Variants in GNAL observed in about 807,000 individuals in gnomAD.
GNAL encodes G protein subunit alpha L.
Under a neutral mutation model 55.1 loss-of-function variants are expected in GNAL, and 18 were observed. The observed-to-expected ratio is 0.33, with a 90% CI of 0.23 to 0.48. GNAL has a LOEUF of 0.48. Ranked by LOEUF, GNAL falls within the 20% of genes least tolerant of loss-of-function variation. The pLI, the probability that GNAL is intolerant of heterozygous loss-of-function variation, is 0.99. For synonymous variants in GNAL, 253 were observed against 237.0 expected (o/e 1.07, Z -0.62); for missense variants, 412 against 614.1 (o/e 0.67, Z 3.48).
At chr18:11,779,293 A>G (rs972887465) in intron 4 of GNAL, among the ~76,000 whole-genome samples, 1 of 152,210 alleles carries the variant, frequency 6.6e-6, no homozygotes, top group African/African-American at 2.4e-5. Flanking sequence ...CAGAATGTCC[A>G]TTATTAGATT....
At chr18:11,838,006 T>C (rs2035533651) in intron 5 of GNAL, among the ~76,000 whole-genome samples, 1 of 152,016 alleles carries the variant, frequency 6.6e-6, no homozygotes, top group Non-Finnish European at 1.5e-5. Context: ...TGATGCGCAC[T>C]GGTAGTCCCA....
chr18:11,696,982 A>G (rs145191413), intron 1 of GNAL, among the ~76,000 whole-genome samples: 72 of 152,318 alleles, frequency 4.7e-4, no homozygotes, highest in African/African-American at 1.6e-3. Flanking sequence ...GCACAAACTT[A>G]AGTACACCCC....
At chr18:11,815,932 C>T (rs1448185759) in intron 4 of GNAL, among the ~76,000 whole-genome samples, 9 of 151,968 alleles carry the variant, frequency 5.9e-5, no homozygotes, top group Non-Finnish European at 1.5e-5. Flanking sequence ...AACGAGATAC[C>T]ACTACATGCC....
chr18:11,851,064 C>G (rs1395967566), intron 5 of GNAL, among the ~76,000 whole-genome samples: 3 of 152,248 alleles, frequency 2.0e-5, no homozygotes, highest in African/African-American at 4.8e-5. Context: ...GCCAGTCACC[C>G]TTTATAAAGC....
Position 11,867,168 on chromosome 18 carries a change from C to A in GNAL, c.852C>A (p.His284Gln). Residue 284 changes from histidine to glutamine, a missense_variant and splice_region_variant, in exon 8 of 12, where the codon CAC becomes CAA. By Grantham distance (24) the His-to-Gln change is conservative (BLOSUM62 0). Coordinates refer to ENST00000334049, the MANE Select transcript of GNAL (RefSeq NM_182978.4). Reference sequence around the variant, plus strand: ...TTGTGTTCCTCTTGCTCTTCCACAGCATGTTTGATGTTGGTGGCCAGAGGG... The same window carrying A: ...TTGTGTTCCTCTTGCTCTTCCACAGAATGTTTGATGTTGGTGGCCAGAGGG... Reference protein sequence around the residue: ...TRFQVDKVNFHMFDVGGQRDE... With the variant: ...TRFQVDKVNFQMFDVGGQRDE... The A allele has an allele frequency of 6.2e-7, 1 of 1,608,556 alleles. No homozygotes were observed. Among genetic ancestry groups the A allele is most frequent in the East Asian group, 2.2e-5 (1 of 44,840 alleles).
intron 1 of GNAL, among the ~76,000 whole-genome samples, chr18:11,713,219 G>C (rs2031877742): frequency 6.6e-6 from 1 of 152,230 alleles, no homozygotes; most frequent in Non-Finnish European, 1.5e-5. Flanking sequence ...TATAGCAAAA[G>C]AGTCAGTGAC....
chr18:11,706,396 C>T (rs969681808), intron 1 of GNAL, among the ~76,000 whole-genome samples: 5 of 151,954 alleles, frequency 3.3e-5, no homozygotes, highest in East Asian at 1.9e-4. Context: ...TCAGTGAGTC[C>T]GGATCTCTTT....
intron 10 of GNAL, 118 bp from the exon 11 acceptor site, chr18:11,876,503 A>G (rs1013673855): frequency 4.2e-5 from 30 of 720,292 alleles, no homozygotes; most frequent in African/African-American, 1.4e-4. Context: ...CTTGCTGTAC[A>G]TGTATTTTAA....
At chr18:11,736,224 G>A (rs950553906) in intron 1 of GNAL, among the ~76,000 whole-genome samples, 2 of 152,042 alleles carry the variant, frequency 1.3e-5, no homozygotes, top group Non-Finnish European at 2.9e-5. Context: ...GTGAGACTTC[G>A]TGTCTACAAA....
chr18:11,850,408 A>G (rs142602704), intron 5 of GNAL, among the ~76,000 whole-genome samples: 28 of 152,324 alleles, frequency 1.8e-4, no homozygotes, highest in Admixed American at 5.2e-4. Flanking sequence ...TCGCTCTCAG[A>G]GTTCATTTTC....
At chr18:11,789,271 A>T (rs554495697) in intron 4 of GNAL, among the ~76,000 whole-genome samples, 1 of 152,194 alleles carries the variant, frequency 6.6e-6, no homozygotes, top group African/African-American at 2.4e-5. Flanking sequence ...TGTTGAAAAC[A>T]TCCCTTTCCT....
intron 1 of GNAL, chr18:11,747,523 G>C (rs990128584): frequency 6.5e-6 from 1 of 152,940 alleles, no homozygotes; most frequent in Non-Finnish European, 1.5e-5. Flanking sequence ...ATCGATGCCC[G>C]CTCACTGACC....
chr18:11,852,066 G>A, intron 5 of GNAL: 3 of 1,612,908 alleles, frequency 1.9e-6, no homozygotes, highest in South Asian at 1.1e-5. Context: ...CGGCGGAGCA[G>A]GATGAACTGT....
intron 5 of GNAL, among the ~76,000 whole-genome samples, chr18:11,834,988 A>G (rs1000429712): frequency 2.6e-5 from 4 of 152,196 alleles, no homozygotes; most frequent in Non-Finnish European, 4.4e-5. Flanking sequence ...AGACTATTCA[A>G]CAGGTGCTGC....
chr18:11,879,032 C>T (rs1421383495), intron 11 of GNAL, among the ~76,000 whole-genome samples: 1 of 151,588 alleles, frequency 6.6e-6, no homozygotes, highest in African/African-American at 2.4e-5. Flanking sequence ...GTGCAGCACA[C>T]CAACATGGCA....
chr18:11,703,286 G>A (rs902529610), intron 1 of GNAL, among the ~76,000 whole-genome samples: 14 of 152,202 alleles, frequency 9.2e-5, no homozygotes, highest in Admixed American at 2.0e-4. Context: ...TAGTTTTATC[G>A]AAACTCCTGC....
intron 1 of GNAL, among the ~76,000 whole-genome samples, chr18:11,719,810 G>A (rs1428180792): frequency 6.6e-6 from 1 of 152,190 alleles, no homozygotes; most frequent in Admixed American, 6.5e-5. Context: ...ACACCATGCT[G>A]CAGCGGCCGT....
intron 7 of GNAL, among the ~76,000 whole-genome samples, chr18:11,866,327 G>A (rs143959179): frequency 2.0e-5 from 3 of 150,344 alleles, no homozygotes; most frequent in Middle Eastern, 3.4e-3. Context: ...CAACATACCC[G>A]CCCAGGACAA....
intron 1 of GNAL, among the ~76,000 whole-genome samples, chr18:11,727,126 C>A (rs75279306): frequency 0.016 from 2,425 of 152,154 alleles, 63 homozygotes; most frequent in African/African-American, 0.055. Flanking sequence ...CTGCTTACAC[C>A]CTGTGCCCTC....
Sources: allele counts gnomAD v4.1 joint callset (sites outside exome capture counted in the v4.1 genomes callset), GRCh38; gene constraint gnomAD v4.1.1; transcripts MANE v1.5; gene names NCBI Gene and HGNC (gene_info 2026-07-23, HGNC 2026-07-21).